Variants in CLEC4C observed in about 807,000 individuals in gnomAD.
CLEC4C encodes the protein C-type (calcium dependent, carbohydrate-recognition domain) lectin, superfamily member 11.
Under a neutral mutation model 27.7 loss-of-function variants are expected in CLEC4C, and 17 were observed. The observed-to-expected ratio is 0.61, with a 90% CI of 0.42 to 0.92. The LOEUF (loss-of-function observed/expected upper bound fraction) is 0.92, where lower values mean the gene tolerates loss of function less well. CLEC4C is among the 40% of genes least tolerant of loss of function. The pLI is 0.00. For synonymous variants in CLEC4C, 80 were observed against 80.8 expected (o/e 0.99, Z 0.06); for missense variants, 244 against 257.3 (o/e 0.95, Z 0.35).
chr12:7,736,000 A>G (rs1009654359), intron 4 of CLEC4C, among the ~76,000 whole-genome samples: 2 of 151,408 alleles, frequency 1.3e-5, no homozygotes, highest in African/African-American at 4.8e-5. Context: ...GTCAAGTGGG[A>G]GGGCCAGGTG....
rs1864930413 is a variant in CLEC4C at position 7,744,616 on chromosome 12, A to G, written c.124+1715T>C. 2.0e-5 allele frequency among the ~76,000 whole-genome samples: 3 copies of G among 151,946 alleles called. No individual in the cohort carries two copies. In the South Asian group the frequency reaches 6.2e-4, roughly 32 times the overall value. ...CCATTGTATCACTGTATAAACATTT[A>G]TTTTTATTTTTATTTTTTGAGACAG... On this transcript the variant is annotated intron_variant, in intron 2 of 5. Transcript: ENST00000360345.
At chr12:7,747,430 T>C (rs1010670275), upstream of CLEC4C, 14 of 1,437,218 alleles carry the variant, frequency 9.7e-6, no homozygotes, top group Middle Eastern at 1.8e-4. Context: ...GATGTTACTT[T>C]CGGGGTGTGG....
intron 3 of CLEC4C, among the ~76,000 whole-genome samples, chr12:7,740,995 T>G (rs1592095942): frequency 6.6e-6 from 1 of 151,996 alleles, no homozygotes; most frequent in East Asian, 2.0e-4. Flanking sequence ...CGCCTGCCAC[T>G]GCACCCAGCT....
intron 3 of CLEC4C, among the ~76,000 whole-genome samples, chr12:7,740,725 G>A (rs1349078028): frequency 6.7e-6 from 1 of 150,108 alleles, no homozygotes; most frequent in Non-Finnish European, 1.5e-5. Context: ...AGAAAAGAAA[G>A]AAAAAAGAGA....
At chr12:7,735,424 A>C (rs190950757) in intron 4 of CLEC4C, among the ~76,000 whole-genome samples, 1 of 148,020 alleles carries the variant, frequency 6.8e-6, no homozygotes, top group African/African-American at 2.5e-5. Context: ...AATCGCTTGA[A>C]CCCAGGAAGC....
intron 4 of CLEC4C, among the ~76,000 whole-genome samples, chr12:7,733,761 G>A (rs746735696): frequency 1.1e-4 from 17 of 152,088 alleles, no homozygotes; most frequent in Non-Finnish European, 1.8e-4. Context: ...GATTACAGGC[G>A]TGAGCCACCG....
At chr12:7,743,551 A>AT (rs967867367) in intron 2 of CLEC4C, among the ~76,000 whole-genome samples, 1 of 143,692 alleles carries the variant, frequency 7.0e-6, no homozygotes, top group African/African-American at 2.5e-5. Flanking sequence ...CGCCCGGCTA[A>AT]TTTTTTTTGT....
intron 2 of CLEC4C, 88 bp downstream of exon 2, chr12:7,746,243 A>G (rs180746162): frequency 2.6e-6 from 2 of 781,592 alleles, no homozygotes; most frequent in Admixed American, 2.6e-5. Context: ...AGAAAAAAAA[A>G]GAAAGAGGAA....
At chr12:7,743,646 G>A (rs1864911082) in intron 2 of CLEC4C, among the ~76,000 whole-genome samples, 1 of 151,922 alleles carries the variant, frequency 6.6e-6, no homozygotes, top group Non-Finnish European at 1.5e-5. Context: ...CCCAAAGTGA[G>A]CCACCACGCC....
Position 7,731,307 on chromosome 12 carries a change from C to T in CLEC4C, c.382-395G>A, listed in dbSNP as rs574537859. Among the ~76,000 whole-genome samples, 70 of 152,218 alleles carry T rather than the reference C, an allele frequency of 4.6e-4. No individual in the cohort carries two copies. The South Asian group carries it at 0.01, about 22-fold the overall frequency. ...TACAACTCTCCCTCCCAGATAAGCA[C>T]AACAAAGAGACACAGAAGCAGTCCA... is the stretch of plus-strand genomic sequence containing the variant. On this transcript the variant is annotated intron_variant, in intron 4 of 5. Transcript: ENST00000360345.
intron 5 of CLEC4C, 36 bp from the exon 6 acceptor site, chr12:7,729,776 C>T (rs776892137): frequency 1.2e-6 from 2 of 1,608,104 alleles, no homozygotes; most frequent in Non-Finnish European, 1.7e-6. Flanking sequence ...TGTTTTGAAA[C>T]CGTGGTTTGG....
chr12:7,738,388 C>G (rs1864776470), intron 3 of CLEC4C, among the ~76,000 whole-genome samples: 1 of 152,208 alleles, frequency 6.6e-6, no homozygotes, highest in East Asian at 1.9e-4. Context: ...GCACCAGTTT[C>G]TTCCACTGTC....
chr12:7,734,967 G>T (rs1002174200), intron 4 of CLEC4C, among the ~76,000 whole-genome samples: 1 of 152,018 alleles, frequency 6.6e-6, no homozygotes, highest in Non-Finnish European at 1.5e-5. Context: ...TTGGGAGACC[G>T]AGGCAGGCTG....
At chr12:7,745,844 C>T (rs747059379) in intron 2 of CLEC4C, among the ~76,000 whole-genome samples, 3 of 152,108 alleles carry the variant, frequency 2.0e-5, no homozygotes, top group African/African-American at 7.2e-5. Flanking sequence ...CACAATTATC[C>T]AGAATAATTA....
chr12:7,733,647 A>G (rs968062550), intron 4 of CLEC4C, among the ~76,000 whole-genome samples: 1 of 151,004 alleles, frequency 6.6e-6, no homozygotes. Context: ...ATGCCCTGCT[A>G]ATTTTTTGTA....
At chr12:7,746,445 T>A (rs373908660) in intron 1 of CLEC4C, 22 bp from the exon 2 acceptor site, 1 of 1,511,694 alleles carries the variant, frequency 6.6e-7, no homozygotes, top group African/African-American at 1.4e-5. Flanking sequence ...GCATGACAAA[T>A]GCACAGTCAT....
chr12:7,748,205 C>T (rs953414409), upstream of CLEC4C, among the ~76,000 whole-genome samples: 1 of 152,108 alleles, frequency 6.6e-6, no homozygotes, highest in Non-Finnish European at 1.5e-5. Flanking sequence ...TCCCAGAGTT[C>T]AACTGAGATT....
intron 4 of CLEC4C, among the ~76,000 whole-genome samples, chr12:7,733,265 A>ATTT (rs756061476): frequency 7.0e-6 from 1 of 143,808 alleles, no homozygotes; most frequent in African/African-American, 2.5e-5. Context: ...AGAAAGCCAA[A>ATTT]TTTTTTTTTT....
At chr12:7,730,678 T>C in intron 5 of CLEC4C, 119 bp downstream of exon 5, 1 of 503,206 alleles carries the variant, frequency 2.0e-6, no homozygotes, top group Non-Finnish European at 3.6e-6. Context: ...TGATGTCAAA[T>C]AGACCTAGGT....
Sources: gnomAD v4.1 joint callset for allele counts (sites outside exome capture counted in the v4.1 genomes callset) on GRCh38, gnomAD v4.1.1 for gene constraint, MANE v1.5 for transcripts, NCBI Gene and HGNC (gene_info 2026-07-23, HGNC 2026-07-21) for gene names.